The following CNOT6 variants were observed in gnomAD, a reference collection of about 807,000 sequenced individuals.
CNOT6 encodes the protein carbon catabolite repression 4 protein.
In CNOT6, 12 loss-of-function variants were observed where a neutral mutation model predicts 61.2. That is an observed-to-expected ratio of 0.20 (90% confidence interval 0.13 to 0.32). CNOT6 has a LOEUF of 0.32. Among genes scored for constraint, CNOT6 ranks in the 10% least tolerant of loss-of-function variants. CNOT6 has a pLI of 1.00. For missense variants in CNOT6, 405 were observed against 663.9 expected (o/e 0.61, Z 4.28); for synonymous variants, 225 against 240.6 (o/e 0.94, Z 0.60).
intron 2 of CNOT6, among the ~76,000 whole-genome samples, chr5:180,540,683 G>A (rs904928500): frequency 2.0e-5 from 3 of 152,126 alleles, no homozygotes; most frequent in Non-Finnish European, 2.9e-5. Context: ...ATACATTTTC[G>A]ACATTTTAAA....
At chr5:180,561,746 G>A (rs1339480494) in intron 4 of CNOT6, among the ~76,000 whole-genome samples, 4 of 152,184 alleles carry the variant, frequency 2.6e-5, no homozygotes, top group Admixed American at 6.5e-5. Flanking sequence ...GGTGGAGGTG[G>A]TAGTTTTGGC....
intron 4 of CNOT6, among the ~76,000 whole-genome samples, chr5:180,560,948 T>C (rs1760144820): frequency 1.4e-5 from 1 of 69,738 alleles, no homozygotes; most frequent in African/African-American, 5.0e-5. Flanking sequence ...TGGTCTGTGT[T>C]CTTATCTATC....
At chr5:180,556,555 G>A (rs1056450550) in intron 4 of CNOT6, among the ~76,000 whole-genome samples, 1 of 152,088 alleles carries the variant, frequency 6.6e-6, no homozygotes, top group Non-Finnish European at 1.5e-5. Context: ...TTTAGAAAAG[G>A]ATGTAGAACA....
In CNOT6 at chr5:180,576,744, TTA is replaced by T. The variant is rs1761014212; in HGVS notation, c.*2545_*2546del. The stretch of plus-strand genomic sequence containing the variant: ...CTTTTGTTAAGAAAGGTTTCATGTT[TTA>T]GATATTTTCCGTGTCCTAAATAATT... On this transcript the variant is annotated 3_prime_UTR_variant, in exon 12 of 12. Transcript: ENST00000261951. 6.6e-6 allele frequency: 1 copy of T among 152,228 alleles called. No individual in the cohort carries two copies. Among genetic ancestry groups the T allele is most frequent in the Non-Finnish European group, 1.5e-5 (1 of 68,042 alleles). 9.4% of individuals were successfully genotyped at this position (152,228 alleles called of 1,614,324 possible). A position where few individuals can be genotyped will look rare whatever the true frequency, so the allele number is the denominator to read the frequency against.
chr5:180,567,379 G>A (rs769259108), intron 8 of CNOT6, 137 bp downstream of exon 8: 20 of 763,054 alleles, frequency 2.6e-5, no homozygotes, highest in Non-Finnish European at 3.6e-5. Context: ...TTTGACCTAG[G>A]GGGTTTTTGT....
intron 4 of CNOT6, among the ~76,000 whole-genome samples, chr5:180,562,176 C>A (rs754207136): frequency 5.9e-5 from 9 of 152,136 alleles, no homozygotes; most frequent in Non-Finnish European, 8.8e-5. Flanking sequence ...TTCGTCAGGT[C>A]CTGCAGTCTT....
At chr5:180,524,219 T>C (rs1001221011) in intron 1 of CNOT6, among the ~76,000 whole-genome samples, 4 of 152,214 alleles carry the variant, frequency 2.6e-5, no homozygotes, top group Non-Finnish European at 5.9e-5. Context: ...TTTTTTGGAA[T>C]ACTTTTATTA....
chr5:180,521,106 T>G (rs1208181863), intron 1 of CNOT6, among the ~76,000 whole-genome samples: 1 of 152,126 alleles, frequency 6.6e-6, no homozygotes, highest in African/African-American at 2.4e-5. Context: ...CCCGAAGTGC[T>G]AGGATTACAG....
chr5:180,553,661 C>CT (rs371550174), intron 4 of CNOT6, among the ~76,000 whole-genome samples, 190 bp downstream of exon 4: 81 of 151,212 alleles, frequency 5.4e-4, no homozygotes, highest in South Asian at 6.3e-4. Context: ...TCTTTGTTTT[C>CT]TTTTTTTTTG....
intron 1 of CNOT6, among the ~76,000 whole-genome samples, chr5:180,515,340 C>T (rs1013619024): frequency 2.6e-5 from 4 of 152,072 alleles, no homozygotes; most frequent in Admixed American, 2.6e-4. Flanking sequence ...TGCACCACTG[C>T]ACTCTAGCTT....
At position 180,494,438 on chromosome 5, in the gene CNOT6, G is replaced by A; in HGVS notation, c.-328G>A. The A allele has an allele frequency of 6.5e-6, 1 of 154,776 alleles. No homozygotes were observed. Among genetic ancestry groups the A allele is most frequent in the South Asian group, 1.8e-4 (1 of 5,706 alleles). 9.6% of individuals were successfully genotyped at this position (154,776 alleles called of 1,614,324 possible). A position where few individuals can be genotyped will look rare whatever the true frequency, so the allele number is the denominator to read the frequency against. The stretch of plus-strand genomic sequence containing the variant: ...CTTTCAATGAAAACGAGGGGGGCGC[G>A]GAGGAGGAGGCGGCGGCGTCGGTGG... On this transcript the variant is annotated 5_prime_UTR_variant, in exon 1 of 12. Coordinates refer to ENST00000261951, the MANE Select transcript of CNOT6 (RefSeq NM_001370472.1).
chr5:180,550,313 T>C (rs1483593741), intron 3 of CNOT6, among the ~76,000 whole-genome samples, 196 bp downstream of exon 3: 1 of 151,880 alleles, frequency 6.6e-6, no homozygotes, highest in Non-Finnish European at 1.5e-5. Flanking sequence ...TAGCCAGGCG[T>C]GGTGGCGGGC....
In CNOT6 at chr5:180,565,757, T is replaced by G. The variant is rs1760417087; in HGVS notation, c.560-63T>G. 6 of 1,431,702 alleles carry G rather than the reference T, an allele frequency of 4.2e-6. No individual in the cohort carries two copies. In the South Asian group the frequency reaches 8.1e-5, roughly 19 times the overall value. 88.7% of individuals were successfully genotyped at this position (1,431,702 alleles called of 1,614,324 possible). Reference sequence around the variant, plus strand: ...TTAACATTTAAGTGAAAACCATTACTGAAATTAATTATATATTTTTTTCTG... The same window carrying G: ...TTAACATTTAAGTGAAAACCATTACGGAAATTAATTATATATTTTTTTCTG... On this transcript the variant is annotated intron_variant, in intron 6 of 11. Coordinates refer to ENST00000261951, the MANE Select transcript of CNOT6 (RefSeq NM_001370472.1).
intron 1 of CNOT6, among the ~76,000 whole-genome samples, chr5:180,508,895 T>C (rs1757257147): frequency 6.6e-6 from 1 of 151,666 alleles, no homozygotes; most frequent in Non-Finnish European, 1.5e-5. Context: ...TGATCCTGGC[T>C]CGCTGCAACT....
chr5:180,539,551 C>CTTTTTTTTTTTTTTTTTTTTT (rs70973934), intron 2 of CNOT6, among the ~76,000 whole-genome samples: 1 of 37,066 alleles, frequency 2.7e-5, no homozygotes, highest in Non-Finnish European at 6.2e-5. Context: ...TTTTTCTGTT[C>CTTTTTTTTTTTTTTTTTTTTT]TTTTTTTTTT....
chr5:180,525,495 C>T (rs1471761775), intron 1 of CNOT6, among the ~76,000 whole-genome samples: 3 of 150,452 alleles, frequency 2.0e-5, no homozygotes, highest in African/African-American at 7.4e-5. Context: ...GCAGAGATGG[C>T]ACCATCGCAC....
intron 2 of CNOT6, among the ~76,000 whole-genome samples, chr5:180,536,608 T>TTTTTG (rs1374225158): frequency 1.3e-5 from 2 of 151,828 alleles, no homozygotes; most frequent in Admixed American, 6.6e-5. Flanking sequence ...ATGCCTGGCT[T>TTTTTG]TTTTGTTTTG....
intron 2 of CNOT6, among the ~76,000 whole-genome samples, chr5:180,540,610 A>G (rs1261525543): frequency 6.6e-6 from 1 of 152,250 alleles, no homozygotes; most frequent in Non-Finnish European, 1.5e-5. Flanking sequence ...TAATGTAAAT[A>G]TTCTGAGCAC....
chr5:180,521,217 A>T (rs1455253582), intron 1 of CNOT6, among the ~76,000 whole-genome samples: 1 of 152,208 alleles, frequency 6.6e-6, no homozygotes, highest in African/African-American at 2.4e-5. Flanking sequence ...ATCTGTAATG[A>T]ATATCAGCAG....
Sources: gnomAD v4.1 joint callset for allele counts (sites outside exome capture counted in the v4.1 genomes callset) on GRCh38, gnomAD v4.1.1 for gene constraint, MANE v1.5 for transcripts, NCBI Gene and HGNC (gene_info 2026-07-23, HGNC 2026-07-21) for gene names.